The following CELF2 variants were observed in gnomAD, a reference collection of about 807,000 sequenced individuals.
CELF2 encodes CUG triplet repeat RNA-binding protein 2.
Under a neutral mutation model 62.6 loss-of-function variants are expected in CELF2, and 8 were observed. That is an observed-to-expected ratio of 0.13 (90% CI 0.07 to 0.23). CELF2 has a LOEUF of 0.23. CELF2 is among the 10% of genes least tolerant of loss of function. The probability of loss-of-function intolerance (pLI) is 1.00; values close to 1 mark genes in which losing one functional copy is unlikely to be tolerated. For synonymous variants in CELF2, 258 were observed against 250.0 expected, an observed-to-expected ratio of 1.03 and a Z score of -0.30; for missense variants, 333 against 671.0, an observed-to-expected ratio of 0.50 and a Z score of 5.56.
the CELF2 span, among the ~76,000 whole-genome samples, chr10:10,537,003 C>T: frequency 2.0e-5 from 3 of 152,142 alleles, no homozygotes; most frequent in African/African-American, 4.8e-5. Context: ...ATTGGACAAG[C>T]TGGATTCACT....
the CELF2 span, among the ~76,000 whole-genome samples, chr10:10,763,697 C>T: frequency 6.6e-6 from 1 of 152,128 alleles, no homozygotes; most frequent in Non-Finnish European, 1.5e-5. Flanking sequence ...ACAGAGGGTC[C>T]CTGTATTTTC....
rs975694006 is a variant in CELF2 at position 11,306,334 on chromosome 10, A to T, written c.977-7805A>T. On this transcript the variant is annotated intron_variant, in intron 9 of 12. Coordinates refer to ENST00000633077, the MANE Select transcript of CELF2 (RefSeq NM_001326342.2). The surrounding 1 kb of genome is among the most constrained non-coding windows in gnomAD (Gnocchi z 4.4). ...AAGCGTAGGGTACAGTTCTCAGCAC[A>T]GACTGAAGGAATCTGAGGTGGGAAG... Among the ~76,000 whole-genome samples, 34 of 152,118 alleles carry T rather than the reference A, an allele frequency of 2.2e-4. No homozygotes were observed. Among genetic ancestry groups the T allele is most frequent in the African/African-American group, 8.0e-4 (33 of 41,416 alleles).
intron 2 of CELF2, among the ~76,000 whole-genome samples, chr10:11,186,813 G>A (rs185243882): frequency 2.8e-4 from 42 of 152,276 alleles, no homozygotes; most frequent in African/African-American, 1.0e-3. Flanking sequence ...TACGGGCCCA[G>A]GCATTTTGGA....
At chr10:10,629,222 G>A in the CELF2 span, among the ~76,000 whole-genome samples, 1 of 152,048 alleles carries the variant, frequency 6.6e-6, no homozygotes, top group Admixed American at 6.6e-5. Flanking sequence ...TGAGTATAAA[G>A]TGAGGAATTG....
At chr10:10,618,355 A>C in the CELF2 span, among the ~76,000 whole-genome samples, 14 of 152,012 alleles carry the variant, frequency 9.2e-5, no homozygotes, top group Non-Finnish European at 1.5e-4. Flanking sequence ...CCTCTCCTTG[A>C]AAGAGCCCTG....
Position 11,023,659 on chromosome 10 carries a change from A to G in CELF2, c.74+5496A>G, listed in dbSNP as rs534033405. 4.6e-5 allele frequency among the ~76,000 whole-genome samples: 7 copies of G among 152,372 alleles called. No individual in the cohort carries two copies. In the East Asian group the frequency reaches 1.3e-3, roughly 29 times the overall value. On this transcript the variant is annotated intron_variant, in intron 1 of 12. Transcript: ENST00000633077. ...GAAGACATTGAGGGAGATTTTGAAC[A>G]GCTTCACTCTCCCCATTTGTTCTAA... is the stretch of plus-strand genomic sequence containing the variant.
the CELF2 span, among the ~76,000 whole-genome samples, chr10:10,639,280 C>G: frequency 6.6e-6 from 1 of 152,118 alleles, no homozygotes; most frequent in Non-Finnish European, 1.5e-5. Flanking sequence ...ATGGTGCTAT[C>G]AATTATGACA....
rs899994485 is a variant in CELF2 at position 10,993,914 on chromosome 10, A to G, written c.89+73915A>G. ...CTAGTATCCTTATCAGAAAAAAAAG[A>G]CACTAGAGATGTGCAGGCATAGGGA... On this transcript the variant is annotated intron_variant, in intron 2 of 13. Transcript: ENST00000636488. This position sits in a 1 kb window ranked among gnomAD's most constrained non-coding sequence, Gnocchi z 5.3. 1.3e-5 allele frequency among the ~76,000 whole-genome samples: 2 copies of G among 152,204 alleles called. No individual in the cohort carries two copies. Among genetic ancestry groups the G allele is most frequent in the African/African-American group, 2.4e-5 (1 of 41,448 alleles).
At position 11,311,177 on chromosome 10, in the gene CELF2, C is replaced by T. The variant is rs533721171; in HGVS notation, c.977-2962C>T. On this transcript the variant is annotated intron_variant, in intron 9 of 12. Transcript: ENST00000633077. This position sits in a 1 kb window ranked among gnomAD's most constrained non-coding sequence, Gnocchi z 4.7. ...AAACTACAAGGAAAACTGACTATCT[C>T]AAAACATAGTGCTGGGTAGGGCCAG... Among the ~76,000 whole-genome samples the T allele has an allele frequency of 1.3e-4, 20 of 152,290 alleles. No homozygotes were observed. The highest frequency in any genetic ancestry group is 2.6e-4 in the Non-Finnish European group (18 of 68,010).
At chr10:11,180,072 G>A (rs1030648978) in intron 2 of CELF2, among the ~76,000 whole-genome samples, 4 of 152,136 alleles carry the variant, frequency 2.6e-5, no homozygotes, top group Non-Finnish European at 2.9e-5. Flanking sequence ...GTCACTGGGG[G>A]CCAAAGAGGA....
intron 10 of CELF2, chr10:11,317,367 T>G (rs2095093088): frequency 6.6e-6 from 1 of 152,226 alleles, no homozygotes; most frequent in Non-Finnish European, 1.5e-5. Context: ...CTTTGTGCCC[T>G]TAATAACACA....
intron 1 of CELF2, among the ~76,000 whole-genome samples, chr10:11,067,468 A>G (rs763529707): frequency 2.6e-5 from 4 of 152,244 alleles, no homozygotes; most frequent in Non-Finnish European, 5.9e-5. Flanking sequence ...CCTGTTGTCC[A>G]AGGAAAATGA....
At chr10:11,235,190 C>G (rs2070725903) in intron 3 of CELF2, among the ~76,000 whole-genome samples, 1 of 152,126 alleles carries the variant, frequency 6.6e-6, no homozygotes, top group Non-Finnish European at 1.5e-5. Context: ...CATAAAGAGG[C>G]AAGCTTCGCA....
the CELF2 span, among the ~76,000 whole-genome samples, chr10:10,627,643 A>T: frequency 6.6e-6 from 1 of 152,208 alleles, no homozygotes; most frequent in African/African-American, 2.4e-5. Context: ...GCCAAAGGGA[A>T]CTGCACAACA....
At chr10:11,041,466 A>G (rs2061837780) in intron 1 of CELF2, among the ~76,000 whole-genome samples, 1 of 151,948 alleles carries the variant, frequency 6.6e-6, no homozygotes, top group African/African-American at 2.4e-5. Flanking sequence ...TCTCTTTTAA[A>G]CTCTGAGCAG....
intron 1 of CELF2, chr10:11,030,618 TC>T (rs1388229472): frequency 1.3e-5 from 2 of 152,286 alleles, no homozygotes; most frequent in African/African-American, 4.8e-5. Flanking sequence ...GCACCTCTGT[TC>T]CTCGTTTCCA....
the CELF2 span, among the ~76,000 whole-genome samples, chr10:10,666,461 G>A: frequency 6.6e-6 from 1 of 152,166 alleles, no homozygotes; most frequent in African/African-American, 2.4e-5. Context: ...AATCAAAGAT[G>A]AGTCTCAAGT....
chr10:11,116,979 G>A (rs747035621), intron 1 of CELF2, among the ~76,000 whole-genome samples: 33 of 152,118 alleles, frequency 2.2e-4, no homozygotes, highest in Admixed American at 1.9e-3. Flanking sequence ...TCTTTTTAGC[G>A]ATAAGGAAAC....
chr10:11,032,167 A>AAAAAAAAAAAAAAAAAAAAC (rs2060232484), intron 1 of CELF2, among the ~76,000 whole-genome samples: 1 of 139,348 alleles, frequency 7.2e-6, no homozygotes, highest in Non-Finnish European at 1.5e-5. Context: ...AAAAAAAAAA[A>AAAAAAAAAAAAAAAAAAAAC]AAAATTGCTT....
Sources: gnomAD v4.1 joint callset for allele counts (sites outside exome capture counted in the v4.1 genomes callset) on GRCh38, gnomAD v4.1.1 for gene constraint, Gnocchi (gnomAD v3.1) non-coding constraint, MANE v1.5 for transcripts, NCBI Gene and HGNC (gene_info 2026-07-23, HGNC 2026-07-21) for gene names.